The following GAB3 variants were observed in gnomAD, a reference collection of about 807,000 sequenced individuals.
GAB3 encodes the protein GRB2-associated-binding protein 3.
GAB3 carries 12 observed loss-of-function variants against 40.4 expected under a neutral mutation model. The ratio of observed to expected loss-of-function variants is 0.30; its 90% CI spans 0.19 to 0.48. GAB3 has a LOEUF of 0.48. Ranked by LOEUF, GAB3 falls within the 20% of genes least tolerant of loss-of-function variation. GAB3 has a pLI of 0.99. For missense variants in GAB3, 381 were observed against 461.9 expected (o/e 0.82, Z 1.61); for synonymous variants, 154 against 176.7 (o/e 0.87, Z 1.02).
intron 1 of GAB3, among the ~76,000 whole-genome samples, chrX:154,722,840 T>C (rs1213630146): frequency 8.9e-6 from 1 of 112,326 alleles, no homozygotes; most frequent in Non-Finnish European, 1.9e-5. Context: ...TATTTGTCAA[T>C]ACATTTGTTT....
At chrX:154,733,713 C>A (rs377189033) in intron 1 of GAB3, among the ~76,000 whole-genome samples, 4 of 112,162 alleles carry the variant, frequency 3.6e-5, no homozygotes, top group Non-Finnish European at 7.5e-5. Context: ...TATATTATTT[C>A]GTTTTCTTTA....
At chrX:154,690,127 T>C (rs782030655) in intron 8 of GAB3, among the ~76,000 whole-genome samples, 1 of 108,445 alleles carries the variant, frequency 9.2e-6, no homozygotes, top group Non-Finnish European at 1.9e-5. Context: ...TCTACAACTA[T>C]CTGATCTTTG....
At chrX:154,695,543 A>G (rs1169072754) in intron 8 of GAB3, among the ~76,000 whole-genome samples, 2 of 112,023 alleles carry the variant, frequency 1.8e-5, no homozygotes, top group East Asian at 5.6e-4. Context: ...GGACCATGTA[A>G]TATGTTGAGT....
intron 4 of GAB3, among the ~76,000 whole-genome samples, chrX:154,707,606 G>A (rs1003823936): frequency 2.7e-5 from 3 of 111,663 alleles, no homozygotes; most frequent in Non-Finnish European, 5.6e-5. Flanking sequence ...ACATTGTAAC[G>A]GTGAAATATT....
At chrX:154,708,848 C>G (rs1158665545) in intron 4 of GAB3, among the ~76,000 whole-genome samples, 3 of 112,157 alleles carry the variant, frequency 2.7e-5, no homozygotes, top group Non-Finnish European at 5.6e-5. Context: ...CCAGCAATCT[C>G]TCTTCTGGAT....
intron 8 of GAB3, among the ~76,000 whole-genome samples, chrX:154,691,101 A>G (rs1460535399): frequency 1.8e-5 from 2 of 110,411 alleles, no homozygotes; most frequent in African/African-American, 6.6e-5. Flanking sequence ...AAAAATGATG[A>G]GTTCATGTCC....
At chrX:154,691,872 G>C (rs1205267166) in intron 8 of GAB3, among the ~76,000 whole-genome samples, 1 of 111,681 alleles carries the variant, frequency 9.0e-6, no homozygotes, top group Non-Finnish European at 1.9e-5. Context: ...GATTTTCAAC[G>C]AGATTTTCAA....
chrX:154,738,277 A>C (rs2071391784), intron 1 of GAB3, among the ~76,000 whole-genome samples: 1 of 112,456 alleles, frequency 8.9e-6, no homozygotes, highest in Admixed American at 9.4e-5. Context: ...GGAGGAGTTT[A>C]TTTAGTTCTG....
rs189806488 is a variant in GAB3, at chrX:154,699,251, T to C, written c.1345+43A>G. ...CCTTTTCTATGCAACCACCGGAACC[T>C]TGCTCCCCTACCCCTGTACAGCAGG... On this transcript the variant is annotated intron_variant, in intron 6 of 9. Coordinates refer to ENST00000424127, the MANE Select transcript of GAB3 (RefSeq NM_001081573.3). 1.9e-4 allele frequency: 208 copies of C among 1,085,345 alleles called. 1 individual carries two copies. The African/African-American group carries it at 3.4e-3, about 18-fold the overall frequency. The allele number at this position is 1,085,345 out of a possible 1,213,427, so 89.4% of individuals were successfully genotyped here.
At chrX:154,750,880 G>C in intron 1 of GAB3, 74 bp downstream of exon 1, 1 of 674,104 alleles carries the variant, frequency 1.5e-6, no homozygotes, top group Non-Finnish European at 1.8e-6. Flanking sequence ...GGAGCCCAGC[G>C]GCTCCCCGCG....
chrX:154,720,001 G>A, intron 1 of GAB3, among the ~76,000 whole-genome samples: 1 of 111,593 alleles, frequency 9.0e-6, no homozygotes, highest in South Asian at 3.8e-4. Context: ...TAGTAACAAT[G>A]AACCAAATAT....
intron 9 of GAB3, among the ~76,000 whole-genome samples, chrX:154,678,719 A>G (rs1399661670): frequency 8.9e-6 from 1 of 112,015 alleles, no homozygotes; most frequent in East Asian, 2.8e-4. Flanking sequence ...TAAGTTCTCA[A>G]GAGATCTGAT....
chrX:154,727,332 C>T (rs2071227353), intron 1 of GAB3, among the ~76,000 whole-genome samples: 1 of 112,541 alleles, frequency 8.9e-6, no homozygotes, highest in Non-Finnish European at 1.9e-5. Context: ...TCTCTGCTTC[C>T]TGTTATTGAC....
At chrX:154,700,888 C>T (rs782536266) in intron 4 of GAB3, among the ~76,000 whole-genome samples, 1 of 111,298 alleles carries the variant, frequency 9.0e-6, no homozygotes, top group East Asian at 2.8e-4. Context: ...AAGAAATAAA[C>T]TTAAAATTCG....
At chrX:154,696,298 CA>C (rs35105330) in intron 7 of GAB3, among the ~76,000 whole-genome samples, 8,838 of 40,019 alleles carry the variant, frequency 0.22, 372 homozygotes, top group South Asian at 0.36. Context: ...TATCATTTAG[CA>C]AAAAAAAAAA....
chrX:154,720,845 T>C (rs2071122593), intron 1 of GAB3, among the ~76,000 whole-genome samples: 3 of 111,500 alleles, frequency 2.7e-5, no homozygotes, highest in Admixed American at 1.9e-4. Context: ...AGAATTAGAA[T>C]ATCCCTATTT....
At chrX:154,738,631 A>C (rs2071396511) in intron 1 of GAB3, among the ~76,000 whole-genome samples, 2 of 111,862 alleles carry the variant, frequency 1.8e-5, no homozygotes, top group South Asian at 7.5e-4. Context: ...ACTCCTGTCA[A>C]GTTCAAAATC....
chrX:154,713,786 T>TGC (rs1557256997), intron 2 of GAB3, among the ~76,000 whole-genome samples: 1 of 73,772 alleles, frequency 1.4e-5, no homozygotes, highest in South Asian at 6.9e-4. Flanking sequence ...TATATATATA[T>TGC]GCATAACAAG....
intron 1 of GAB3, among the ~76,000 whole-genome samples, chrX:154,717,611 A>T (rs782664967): frequency 8.9e-6 from 1 of 111,788 alleles, no homozygotes; most frequent in South Asian, 3.7e-4. Flanking sequence ...CCTGAGAACA[A>T]CTGAGAATGA....
Sources: gnomAD v4.1 joint callset for allele counts (sites outside exome capture counted in the v4.1 genomes callset) on GRCh38, gnomAD v4.1.1 for gene constraint, MANE v1.5 for transcripts, NCBI Gene and HGNC (gene_info 2026-07-23, HGNC 2026-07-21) for gene names.